The following GABRB1 variants were observed in gnomAD, a reference collection of about 807,000 sequenced individuals.
The protein encoded by GABRB1 is gamma-aminobutyric acid receptor subunit beta-1.
GABRB1 carries 17 observed loss-of-function variants against 51.6 expected under a neutral mutation model. The ratio of observed to expected loss-of-function variants is 0.33; its 90% CI spans 0.23 to 0.49. The LOEUF (loss-of-function observed/expected upper bound fraction) is 0.49. Ranked by LOEUF, GABRB1 falls within the 20% of genes least tolerant of loss-of-function variation. The pLI is 0.99. For synonymous variants in GABRB1, 247 were observed against 218.9 expected, an observed-to-expected ratio of 1.13 and a Z score of -1.14; for missense variants, 410 against 600.6, an observed-to-expected ratio of 0.68 and a Z score of 3.32.
At chr4:47,414,391 C>A (rs1331720849) in intron 8 of GABRB1, among the ~76,000 whole-genome samples, 1 of 152,136 alleles carries the variant, frequency 6.6e-6, no homozygotes, top group Non-Finnish European at 1.5e-5. Flanking sequence ...CAACTTGAAG[C>A]AGGGAAAGGT....
chr4:47,325,792 C>A lies in GABRB1; in HGVS notation c.544+5583C>A, dbSNP rs141943255. ...AGACTCCTCCAATCTAAGTTAGGAA[C>A]CAGTAGTTATTCTCTTTCAAAATTC... On this transcript the variant is annotated intron_variant, in intron 5 of 8. Transcript: ENST00000295454. 1.1e-3 allele frequency among the ~76,000 whole-genome samples: 169 copies of A among 152,272 alleles called. 2 individuals are homozygous for A. The East Asian group carries it at 0.026, about 23-fold the overall frequency.
At chr4:47,273,864 T>TACACACATACACACACAC (rs1436701483) in intron 4 of GABRB1, among the ~76,000 whole-genome samples, 2 of 122,322 alleles carry the variant, frequency 1.6e-5, no homozygotes, top group South Asian at 2.7e-4. Context: ...CATATATACA[T>TACACACATACACACACAC]ACACACACAC....
intron 3 of GABRB1, among the ~76,000 whole-genome samples, chr4:47,046,857 T>A (rs1227577148): frequency 6.6e-6 from 1 of 152,118 alleles, no homozygotes; most frequent in Non-Finnish European, 1.5e-5. Flanking sequence ...TGGATTGAGC[T>A]AGAGGCCATT....
rs1389558311 is a variant in GABRB1, at chr4:47,263,952, G to A, written c.462-56175G>A. ...ATTTGAGCCCAGGAATTCAAAACAT[G>A]ACGAAAGTTCACTTCTACAAAAAAA... On this transcript the variant is annotated intron_variant, in intron 4 of 8. Transcript: ENST00000295454. Among the ~76,000 whole-genome samples, 5 of 151,132 alleles carry A rather than the reference G, an allele frequency of 3.3e-5. No individual in the cohort carries two copies. The South Asian group carries it at 1.0e-3, about 32-fold the overall frequency.
At chr4:47,402,537 C>T (rs530874345) in intron 5 of GABRB1, among the ~76,000 whole-genome samples, 1 of 152,064 alleles carries the variant, frequency 6.6e-6, no homozygotes. Flanking sequence ...ATAATGATAA[C>T]CCAGCTAGAC....
chr4:47,019,437 T>C (rs1479557357), intron 1 of GABRB1, among the ~76,000 whole-genome samples: 2 of 151,384 alleles, frequency 1.3e-5, no homozygotes, highest in Non-Finnish European at 3.0e-5. Flanking sequence ...ACTGTATTAG[T>C]TTGCTAGGAC....
At chr4:47,374,743 T>G (rs1231110919) in intron 5 of GABRB1, among the ~76,000 whole-genome samples, 2 of 152,220 alleles carry the variant, frequency 1.3e-5, no homozygotes, top group African/African-American at 4.8e-5. Context: ...TAAATAGCAC[T>G]GCTGAAGGCA....
chr4:47,166,801 C>A (rs974461043), intron 4 of GABRB1, among the ~76,000 whole-genome samples: 1 of 152,032 alleles, frequency 6.6e-6, no homozygotes, highest in Non-Finnish European at 1.5e-5. Context: ...ACAGCCCTAC[C>A]GATGCCCTCC....
intron 4 of GABRB1, among the ~76,000 whole-genome samples, chr4:47,194,584 T>C (rs1050991563): frequency 6.6e-6 from 1 of 152,218 alleles, no homozygotes; most frequent in Admixed American, 6.6e-5. Context: ...ATTTTTCCCA[T>C]GATGAATCAT....
intron 4 of GABRB1, among the ~76,000 whole-genome samples, chr4:47,299,299 G>A (rs1031600766): frequency 1.3e-5 from 2 of 152,026 alleles, no homozygotes; most frequent in African/African-American, 2.4e-5. Flanking sequence ...AGAGTGAACA[G>A]GCAACCTACA....
intron 3 of GABRB1, among the ~76,000 whole-genome samples, chr4:47,108,826 C>T (rs975781525): frequency 6.6e-6 from 1 of 151,878 alleles, no homozygotes; most frequent in Non-Finnish European, 1.5e-5. Flanking sequence ...GTCAGGACAC[C>T]AAAACAGATC....
intron 1 of GABRB1, among the ~76,000 whole-genome samples, chr4:47,011,398 G>A (rs1438704614): frequency 2.0e-5 from 3 of 152,104 alleles, no homozygotes; most frequent in Admixed American, 1.3e-4. Context: ...CAAGAAGGAT[G>A]TGAGCTGAAC....
intron 3 of GABRB1, among the ~76,000 whole-genome samples, chr4:47,126,361 TTAA>T (rs994987800): frequency 6.6e-6 from 1 of 152,116 alleles, no homozygotes; most frequent in African/African-American, 2.4e-5. Flanking sequence ...GTGACTATAG[TTAA>T]TAATACAGTA....
At chr4:47,147,485 C>T (rs1409321948) in intron 3 of GABRB1, among the ~76,000 whole-genome samples, 1 of 152,078 alleles carries the variant, frequency 6.6e-6, no homozygotes, top group Non-Finnish European at 1.5e-5. Context: ...GACGGCAGGC[C>T]CTGCCCTCAA....
chr4:47,393,048 G>A (rs1728057938), intron 5 of GABRB1, among the ~76,000 whole-genome samples: 1 of 152,224 alleles, frequency 6.6e-6, no homozygotes, highest in South Asian at 2.1e-4. Flanking sequence ...CAGAGGTAGT[G>A]TTTGAAGCAT....
chr4:47,083,883 G>C (rs1388043651), intron 3 of GABRB1, among the ~76,000 whole-genome samples: 3 of 152,102 alleles, frequency 2.0e-5, no homozygotes, highest in Non-Finnish European at 4.4e-5. Flanking sequence ...TAAGGGGTCA[G>C]AATAATTGGC....
chr4:47,124,500 T>A (rs1017047204), intron 3 of GABRB1, among the ~76,000 whole-genome samples: 2 of 152,082 alleles, frequency 1.3e-5, no homozygotes. Flanking sequence ...CTAATAAAGC[T>A]CTGTAACTAA....
intron 4 of GABRB1, among the ~76,000 whole-genome samples, chr4:47,192,071 A>AAAAAC (rs577605747): frequency 7.2e-5 from 11 of 152,140 alleles, no homozygotes; most frequent in African/African-American, 1.2e-4. Flanking sequence ...CCATCCTTGG[A>AAAAAC]AAAACAAAAC....
Position 47,099,833 on chromosome 4 carries a change from T to TAA in GABRB1, c.241-61408_241-61407dup, listed in dbSNP as rs5858053. On this transcript the variant is annotated intron_variant, in intron 3 of 8. Transcript: ENST00000295454. ...TGCTTTAATGAGCATTAAAATCACT[T>TAA]AAAAAAAAACAACCAAACACTCCTT... Among the ~76,000 whole-genome samples, 51 of 150,696 alleles carry TAA rather than the reference T, an allele frequency of 3.4e-4. 1 individual carries two copies. Among genetic ancestry groups the TAA allele is most frequent in the South Asian group, 2.9e-3 (14 of 4,762 alleles).
Sources: allele counts gnomAD v4.1 joint callset (sites outside exome capture counted in the v4.1 genomes callset), GRCh38; gene constraint gnomAD v4.1.1; transcripts MANE v1.5; gene names NCBI Gene and HGNC (gene_info 2026-07-23, HGNC 2026-07-21).